The following TMEM135 variants were observed in gnomAD, a reference collection of about 807,000 sequenced individuals.
The protein encoded by TMEM135 is transmembrane protein 135.
Under a neutral mutation model 60.3 loss-of-function variants are expected in TMEM135, and 30 were observed. The observed-to-expected ratio is 0.50, with a 90% CI of 0.37 to 0.68. TMEM135 has a LOEUF of 0.68. TMEM135 is among the 30% of genes least tolerant of loss of function. The pLI is 0.00. For missense variants in TMEM135, 468 were observed against 548.8 expected (o/e 0.85, Z 1.47); for synonymous variants, 190 against 186.7 (o/e 1.02, Z -0.14).
chr11:87,210,545 C>T (rs945745420), intron 5 of TMEM135, among the ~76,000 whole-genome samples: 1 of 152,048 alleles, frequency 6.6e-6, no homozygotes, highest in Non-Finnish European at 1.5e-5. Context: ...CCAACAAAAG[C>T]CCTGGACCAG....
At chr11:87,298,499 T>A (rs1295837292) in intron 7 of TMEM135, among the ~76,000 whole-genome samples, 1 of 152,166 alleles carries the variant, frequency 6.6e-6, no homozygotes, top group Admixed American at 6.5e-5. Flanking sequence ...ATATTAAATT[T>A]TCCTTCAGGC....
intron 6 of TMEM135, among the ~76,000 whole-genome samples, chr11:87,293,321 C>T (rs10219365): frequency 2.6e-5 from 4 of 151,968 alleles, no homozygotes; most frequent in Non-Finnish European, 5.9e-5. Context: ...ACATTTCTCA[C>T]TGTTAACATG....
chr11:87,109,200 T>A (rs1165067997), intron 4 of TMEM135, among the ~76,000 whole-genome samples: 1 of 152,178 alleles, frequency 6.6e-6, no homozygotes, highest in African/African-American at 2.4e-5. Flanking sequence ...TTGGTGTTTA[T>A]TGTAAAGTTG....
rs570675365 is a variant in TMEM135 at position 87,273,378 on chromosome 11, A to G, written c.510-22404A>G. 3.2e-3 allele frequency among the ~76,000 whole-genome samples: 493 copies of G among 152,310 alleles called. 2 individuals carry two copies. Among genetic ancestry groups the G allele is most frequent in the Non-Finnish European group, 5.9e-3 (403 of 68,030 alleles). ...GACAATATTTGACTTCAAGGATATT[A>G]TACTTGTCTAGTATCCTTTATTATT... On this transcript the variant is annotated intron_variant, in intron 6 of 14. Transcript: ENST00000305494.
chr11:87,047,356 C>T (rs1590977219), intron 1 of TMEM135, among the ~76,000 whole-genome samples: 1 of 151,874 alleles, frequency 6.6e-6, no homozygotes, highest in Admixed American at 6.6e-5. Flanking sequence ...CAGCTCCCAG[C>T]GTGAGCGACG....
intron 5 of TMEM135, among the ~76,000 whole-genome samples, chr11:87,223,393 A>G (rs1402594945): frequency 2.0e-5 from 3 of 151,672 alleles, no homozygotes; most frequent in Admixed American, 2.0e-4. Flanking sequence ...GATGGTCTCC[A>G]TCTCCTGACC....
chr11:87,204,799 A>T (rs1027691097), intron 5 of TMEM135, among the ~76,000 whole-genome samples: 3 of 152,152 alleles, frequency 2.0e-5, no homozygotes, highest in Non-Finnish European at 4.4e-5. Flanking sequence ...CAAGGGTGGC[A>T]GAGGTGGAAG....
chr11:87,315,146 T>TTCCTCCTCC (rs58849661), intron 12 of TMEM135, among the ~76,000 whole-genome samples: 25 of 151,358 alleles, frequency 1.7e-4, no homozygotes, highest in African/African-American at 5.8e-4. Context: ...ACTGCTTTTC[T>TTCCTCCTCC]TCCTCCTCCT....
At chr11:87,254,505 A>G (rs1941483039) in intron 6 of TMEM135, among the ~76,000 whole-genome samples, 1 of 152,202 alleles carries the variant, frequency 6.6e-6, no homozygotes, top group African/African-American at 2.4e-5. Context: ...TGTGGCTATG[A>G]AAAGTTAGAA....
chr11:87,182,721 CTG>C (rs958582314), intron 5 of TMEM135, among the ~76,000 whole-genome samples: 2 of 151,858 alleles, frequency 1.3e-5, no homozygotes, highest in African/African-American at 4.8e-5. Flanking sequence ...TGTTTTTTAA[CTG>C]TTTTCTAGAC....
At chr11:87,073,989 A>G (rs1856823316) in intron 3 of TMEM135, among the ~76,000 whole-genome samples, 1 of 151,210 alleles carries the variant, frequency 6.6e-6, no homozygotes, top group African/African-American at 2.4e-5. Context: ...TTTTTGGGAC[A>G]GAGTCTCACT....
chr11:87,158,774 A>G lies in TMEM135; in HGVS notation c.462+1368A>G, dbSNP rs947164481. On this transcript the variant is annotated intron_variant, in intron 5 of 14. Transcript: ENST00000305494. ...CCACCGCGCCCGGCCTAACCTTGGT[A>G]TAATTTATAAAGTATATTTTGTCTA... Among the ~76,000 whole-genome samples the G allele has an allele frequency of 3.9e-5, 6 of 152,124 alleles. No homozygotes were observed. In the South Asian group the frequency reaches 1.2e-3, roughly 31 times the overall value.
intron 5 of TMEM135, among the ~76,000 whole-genome samples, chr11:87,159,054 A>G (rs1479822823): frequency 6.6e-6 from 1 of 152,206 alleles, no homozygotes; most frequent in Non-Finnish European, 1.5e-5. Context: ...ACCTGAGCAT[A>G]TCAACGCATT....
chr11:87,272,040 CT>C (rs1347951005), intron 6 of TMEM135, among the ~76,000 whole-genome samples: 2 of 129,990 alleles, frequency 1.5e-5, no homozygotes, highest in East Asian at 2.1e-4. Context: ...ATATTTCTTT[CT>C]TTTTCTTTTC....
At chr11:87,268,169 C>CTTTTCT (rs1554982587) in intron 6 of TMEM135, among the ~76,000 whole-genome samples, 2 of 110,562 alleles carry the variant, frequency 1.8e-5, no homozygotes, top group African/African-American at 3.1e-5. Context: ...CTTTCCTTTC[C>CTTTTCT]TTTCTTTTCT....
chr11:87,075,632 T>A (rs1856856087), intron 3 of TMEM135, among the ~76,000 whole-genome samples: 1 of 152,210 alleles, frequency 6.6e-6, no homozygotes, highest in South Asian at 2.1e-4. Context: ...TTTTTCCCTC[T>A]ACAGCATTGC....
At position 87,323,153 on chromosome 11, in the gene TMEM135, C is replaced by T. The variant is rs376556339; in HGVS notation, c.*1820C>T. 105 of 453,704 alleles carry T rather than the reference C, an allele frequency of 2.3e-4. No individual in the cohort carries two copies. The highest frequency in any genetic ancestry group is 3.4e-4 in the Non-Finnish European group (78 of 226,652). 28.1% of individuals were successfully genotyped at this position (453,704 alleles called of 1,614,324 possible). On this transcript the variant is annotated 3_prime_UTR_variant, in exon 15 of 15. Transcript: ENST00000305494. ...GACTGTGATATTGAAAGATGAATTACGAAATTTGCTGAGATTGTTTAGTAA... is the reference window on the plus strand; with the variant it reads ...GACTGTGATATTGAAAGATGAATTATGAAATTTGCTGAGATTGTTTAGTAA...
At chr11:87,204,943 A>G (rs1482647896) in intron 5 of TMEM135, among the ~76,000 whole-genome samples, 2 of 152,144 alleles carry the variant, frequency 1.3e-5, no homozygotes, top group East Asian at 1.9e-4. Flanking sequence ...TTCTTTTTCT[A>G]AATTCTACAT....
At chr11:87,228,680 A>G (rs1349654030) in intron 5 of TMEM135, among the ~76,000 whole-genome samples, 1 of 152,212 alleles carries the variant, frequency 6.6e-6, no homozygotes, top group Non-Finnish European at 1.5e-5. Flanking sequence ...CAAAAATCAA[A>G]TAATCAAATA....
Sources: allele counts gnomAD v4.1 joint callset (sites outside exome capture counted in the v4.1 genomes callset), GRCh38; gene constraint gnomAD v4.1.1; transcripts MANE v1.5; gene names NCBI Gene and HGNC (gene_info 2026-07-23, HGNC 2026-07-21).